Variants in TENM2 observed in about 807,000 individuals in gnomAD.
TENM2 encodes teneurin transmembrane protein 2, also known as teneurin-2.
Under a neutral mutation model 245.2 loss-of-function variants are expected in TENM2, and 52 were observed. The observed-to-expected ratio is 0.21, with a 90% CI of 0.17 to 0.27. The LOEUF (loss-of-function observed/expected upper bound fraction) is 0.27, where lower values mean the gene tolerates loss of function less well. TENM2 is among the 10% of genes least tolerant of loss of function. TENM2 has a pLI of 1.00. For missense variants in TENM2, 3,046 were observed against 3,666.8 expected (o/e 0.83, Z 4.37); for synonymous variants, 1,363 against 1,438.9 (o/e 0.95, Z 1.19).
At chr5:167,099,657 T>C in the TENM2 span, among the ~76,000 whole-genome samples, 2 of 152,264 alleles carry the variant, frequency 1.3e-5, no homozygotes, top group African/African-American at 2.4e-5. Flanking sequence ...ATGGTGCCAT[T>C]GCACTCTAGC....
the TENM2 span, among the ~76,000 whole-genome samples, chr5:167,121,303 A>G: frequency 6.6e-6 from 1 of 152,134 alleles, no homozygotes; most frequent in East Asian, 1.9e-4. Flanking sequence ...GGTGATGGGA[A>G]ACAAATAAAA....
At chr5:167,579,333 C>G (rs1000140664) in intron 2 of TENM2, among the ~76,000 whole-genome samples, 1 of 152,192 alleles carries the variant, frequency 6.6e-6, no homozygotes, top group African/African-American at 2.4e-5. Flanking sequence ...GCAGAGGGTT[C>G]TAAAAGCCCT....
At chr5:167,811,064 C>G (rs556114319) in intron 2 of TENM2, among the ~76,000 whole-genome samples, 1 of 152,246 alleles carries the variant, frequency 6.6e-6, no homozygotes, top group East Asian at 1.9e-4. Context: ...AAGAATCTTA[C>G]TCCAAATTTT....
At chr5:167,739,530 G>A (rs1413586917) in intron 2 of TENM2, among the ~76,000 whole-genome samples, 6 of 152,074 alleles carry the variant, frequency 3.9e-5, no homozygotes, top group Non-Finnish European at 7.4e-5. Context: ...TCCCTAAATG[G>A]GAAAAAAGCC....
intron 2 of TENM2, among the ~76,000 whole-genome samples, chr5:167,584,609 G>A (rs183836932): frequency 6.6e-6 from 1 of 152,150 alleles, no homozygotes; most frequent in East Asian, 1.9e-4. Context: ...TTTTCATTCA[G>A]TTCTAGGAAG....
intron 3 of TENM2, among the ~76,000 whole-genome samples, chr5:167,907,236 T>TAAAA (rs1776159593): frequency 1.3e-5 from 2 of 148,862 alleles, no homozygotes; most frequent in Admixed American, 6.7e-5. Flanking sequence ...CCGTCTCAAA[T>TAAAA]AAATAAATAA....
intron 2 of TENM2, among the ~76,000 whole-genome samples, chr5:167,485,724 G>A (rs902570365): frequency 6.6e-6 from 1 of 152,032 alleles, no homozygotes; most frequent in African/African-American, 2.4e-5. Context: ...TAAATACCCC[G>A]ACAAGTTGCA....
chr5:168,235,742 G>A (rs1765372121), intron 25 of TENM2, among the ~76,000 whole-genome samples: 2 of 152,042 alleles, frequency 1.3e-5, no homozygotes, highest in Non-Finnish European at 1.5e-5. Flanking sequence ...GCTAGACAGA[G>A]GTTGCAGTAA....
chr5:167,785,940 G>A (rs1197442964), intron 2 of TENM2, among the ~76,000 whole-genome samples: 1 of 152,122 alleles, frequency 6.6e-6, no homozygotes, highest in Non-Finnish European at 1.5e-5. Flanking sequence ...GGGAAAAATA[G>A]CCAAATGAAA....
At chr5:167,548,189 G>C (rs1335970066) in intron 2 of TENM2, among the ~76,000 whole-genome samples, 1 of 152,200 alleles carries the variant, frequency 6.6e-6, no homozygotes, top group African/African-American at 2.4e-5. Flanking sequence ...CAGATGAAAG[G>C]TGCTTTAGAA....
At chr5:167,362,259 T>C (rs1272416673) in intron 1 of TENM2, among the ~76,000 whole-genome samples, 5 of 152,222 alleles carry the variant, frequency 3.3e-5, no homozygotes, top group East Asian at 3.8e-4. Flanking sequence ...CCATTTTTTA[T>C]AAGCTCAATG....
At chr5:167,491,590 T>A (rs1391147255) in intron 2 of TENM2, among the ~76,000 whole-genome samples, 1 of 152,172 alleles carries the variant, frequency 6.6e-6, no homozygotes, top group Non-Finnish European at 1.5e-5. Context: ...CACCAAAAGG[T>A]TGTCCGCTGT....
chr5:167,513,702 A>G (rs1196596715), intron 2 of TENM2, among the ~76,000 whole-genome samples: 2 of 152,160 alleles, frequency 1.3e-5, no homozygotes, highest in African/African-American at 4.8e-5. Context: ...ATAGTCAGTG[A>G]TGTTCTGTGA....
At chr5:167,483,318 A>G (rs1767871109) in intron 2 of TENM2, among the ~76,000 whole-genome samples, 1 of 152,186 alleles carries the variant, frequency 6.6e-6, no homozygotes, top group African/African-American at 2.4e-5. Context: ...CTTACTGTGG[A>G]TAGCAGCATT....
At chr5:167,261,523 A>T in the TENM2 span, among the ~76,000 whole-genome samples, 6 of 152,102 alleles carry the variant, frequency 3.9e-5, no homozygotes, top group Admixed American at 3.9e-4. Flanking sequence ...CATCTTCTTC[A>T]TCATTATCAT....
the TENM2 span, among the ~76,000 whole-genome samples, chr5:167,184,834 A>G: frequency 6.6e-6 from 1 of 152,178 alleles, no homozygotes; most frequent in Non-Finnish European, 1.5e-5. Flanking sequence ...CACAAGAGTT[A>G]GAACCTAAAC....
At chr5:167,972,023 A>G (rs1328868655) in intron 4 of TENM2, among the ~76,000 whole-genome samples, 6 of 152,228 alleles carry the variant, frequency 3.9e-5, no homozygotes, top group Non-Finnish European at 8.8e-5. Flanking sequence ...TACTTATCCC[A>G]CACAGAATAT....
chr5:167,316,034 C>T (rs1435279862), intron 1 of TENM2, among the ~76,000 whole-genome samples: 1 of 152,158 alleles, frequency 6.6e-6, no homozygotes, highest in Non-Finnish European at 1.5e-5. Flanking sequence ...TTATCTCTTC[C>T]TGCCTACTCT....
At chr5:167,835,890 G>A (rs1768943237) in intron 2 of TENM2, among the ~76,000 whole-genome samples, 1 of 152,012 alleles carries the variant, frequency 6.6e-6, no homozygotes, top group East Asian at 1.9e-4. Context: ...GTGGTTGGGA[G>A]GAAGAACACT....
Sources: allele counts gnomAD v4.1 joint callset (sites outside exome capture counted in the v4.1 genomes callset), GRCh38; gene constraint gnomAD v4.1.1; transcripts MANE v1.5; gene names NCBI Gene and HGNC (gene_info 2026-07-23, HGNC 2026-07-21).